RBM25: variants seen among roughly 807,000 people sequenced by gnomAD.
RBM25 encodes the protein RNA-binding protein 25.
Under a neutral mutation model 120.7 loss-of-function variants are expected in RBM25, and 19 were observed. The ratio of observed to expected loss-of-function variants is 0.16; its 90% CI spans 0.11 to 0.23. The LOEUF is 0.23. RBM25 is among the 10% of genes least tolerant of loss of function. The pLI is 1.00. For missense variants in RBM25, 605 were observed against 1,041.5 expected (o/e 0.58, Z 5.77); for synonymous variants, 390 against 326.7 (o/e 1.19, Z -2.09).
intron 7 of RBM25, among the ~76,000 whole-genome samples, chr14:73,099,040 T>G (rs1467421412): frequency 6.6e-6 from 1 of 152,156 alleles, no homozygotes; most frequent in East Asian, 1.9e-4. Context: ...AATAACATAT[T>G]TGTTTGATGT....
intron 9 of RBM25, 73 bp downstream of exon 9, chr14:73,099,823 A>G (rs769167437): frequency 1.3e-6 from 2 of 1,504,826 alleles, no homozygotes; most frequent in Admixed American, 5.1e-5. Context: ...GACAAAAAAA[A>G]TCAACCTTAA....
At chr14:73,067,851 G>A (rs950144750) in intron 1 of RBM25, among the ~76,000 whole-genome samples, 4 of 151,460 alleles carry the variant, frequency 2.6e-5, no homozygotes, top group Non-Finnish European at 4.4e-5. Flanking sequence ...CACCCGCTTC[G>A]GCCTCCCAAA....
In RBM25 at chr14:73,097,034, G is replaced by A; in HGVS notation, c.663G>A (p.Glu221=). The A allele has an allele frequency of 2.5e-6, 4 of 1,613,752 alleles. No individual in the cohort carries two copies. Among genetic ancestry groups the A allele is most frequent in the Non-Finnish European group, 3.4e-6 (4 of 1,179,920 alleles). The change falls in exon 7 of 19, where the codon GAG becomes GAA. Residue 221 remains glutamate (E), a synonymous_variant. Transcript: ENST00000261973. ...TTTTAATTCGTGAATACTCCAGTGA[G>A]CTAAATGCCCCCTCACAGGAATCTG... The part of the protein sequence containing the change: ...IEVLIREYSS[E]LNAPSQESDS...
chr14:73,119,288 T>C (rs1298843115), intron 18 of RBM25, among the ~76,000 whole-genome samples: 1 of 152,182 alleles, frequency 6.6e-6, no homozygotes, highest in Non-Finnish European at 1.5e-5. Flanking sequence ...GTTTTTCTTT[T>C]TTGAGATGGA....
chr14:73,119,858 A>T lies in RBM25; in HGVS notation c.*53A>T. 6.4e-7 allele frequency: 1 copy of T among 1,556,104 alleles called. No individual in the cohort carries two copies. Among genetic ancestry groups the T allele is most frequent in the South Asian group, 1.2e-5 (1 of 82,282 alleles). On this transcript the variant is annotated 3_prime_UTR_variant, in exon 19 of 19. Transcript: ENST00000261973. The stretch of plus-strand genomic sequence containing the variant: ...AGATTTCTTCTTTGCCACCCTTTTA[A>T]GGACTTTGAATTTTTCTTTGTCTTT...
chr14:73,088,406 T>A, intron 6 of RBM25: 1 of 609,694 alleles, frequency 1.6e-6, no homozygotes, highest in Non-Finnish European at 3.0e-6. Flanking sequence ...TGGACAAGGT[T>A]AACTTGCCAG....
At chr14:73,072,596 TG>T (rs1895321644) in intron 2 of RBM25, among the ~76,000 whole-genome samples, 1 of 151,902 alleles carries the variant, frequency 6.6e-6, no homozygotes, top group East Asian at 1.9e-4. Flanking sequence ...AGGTAATTTT[TG>T]GCACTCATTT....
chr14:73,098,906 C>T (rs1354968940), intron 7 of RBM25, among the ~76,000 whole-genome samples: 1 of 152,102 alleles, frequency 6.6e-6, no homozygotes, highest in Non-Finnish European at 1.5e-5. Context: ...CGTGCCCGAC[C>T]CATAACTTTT....
At chr14:73,109,065 T>C (rs1490979905) in intron 13 of RBM25, 1 of 193,638 alleles carries the variant, frequency 5.2e-6, no homozygotes, top group African/African-American at 2.3e-5. Flanking sequence ...AAGTGTGAGC[T>C]CTCTTTCTGA....
intron 4 of RBM25, among the ~76,000 whole-genome samples, chr14:73,080,068 GAA>G (rs988256321): frequency 1.3e-5 from 2 of 150,196 alleles, no homozygotes; most frequent in African/African-American, 4.9e-5. Flanking sequence ...AGGTGTATGT[GAA>G]AAGATTCTCA....
chr14:73,082,366 A>G (rs1034549034), intron 4 of RBM25, among the ~76,000 whole-genome samples: 5 of 152,092 alleles, frequency 3.3e-5, no homozygotes, highest in Non-Finnish European at 5.9e-5. Context: ...ATTACAGCTC[A>G]CTGCAGCCTC....
intron 1 of RBM25, chr14:73,068,421 T>G (rs1243836851): frequency 1.5e-6 from 1 of 667,678 alleles, no homozygotes; most frequent in Non-Finnish European, 2.7e-6. Context: ...ATTTACAGGA[T>G]CTGAGACTTA....
chr14:73,086,551 G>A (rs2077441067), intron 5 of RBM25, among the ~76,000 whole-genome samples: 1 of 151,790 alleles, frequency 6.6e-6, no homozygotes, highest in Non-Finnish European at 1.5e-5. Context: ...TCATATATTT[G>A]TATCTCCTTT....
intron 9 of RBM25, chr14:73,101,145 G>A (rs1307270235): frequency 6.6e-6 from 1 of 152,118 alleles, no homozygotes; most frequent in East Asian, 1.9e-4. Context: ...TTTTCAGAAT[G>A]TCTTTTCAAA....
intron 3 of RBM25, among the ~76,000 whole-genome samples, chr14:73,077,041 A>G (rs1292810168): frequency 6.6e-6 from 1 of 152,252 alleles, no homozygotes; most frequent in African/African-American, 2.4e-5. Context: ...AGATTATGCC[A>G]CTGCACTCCA....
chr14:73,075,348 A>T (rs2140430266), intron 2 of RBM25, among the ~76,000 whole-genome samples: 1 of 152,094 alleles, frequency 6.6e-6, no homozygotes, highest in South Asian at 2.1e-4. Context: ...TAGTAGAAAC[A>T]GGGCTTCTCC....
intron 1 of RBM25, among the ~76,000 whole-genome samples, chr14:73,062,732 C>G (rs1283966399): frequency 2.6e-5 from 4 of 151,440 alleles, no homozygotes; most frequent in African/African-American, 9.7e-5. Context: ...TAAAATGCAT[C>G]TGTTTTAATT....
chr14:73,110,441 CTTTTTT>C (rs1420293418), intron 14 of RBM25, among the ~76,000 whole-genome samples: 2 of 143,964 alleles, frequency 1.4e-5, no homozygotes, highest in African/African-American at 2.6e-5. Context: ...TTTTCTTTTT[CTTTTTT>C]TTTGAGATGG....
intron 17 of RBM25, among the ~76,000 whole-genome samples, chr14:73,113,386 C>T (rs1896355924): frequency 6.6e-6 from 1 of 151,466 alleles, no homozygotes. Context: ...TCACACCAGC[C>T]GAAGATAAAG....
Sources: allele counts gnomAD v4.1 joint callset (sites outside exome capture counted in the v4.1 genomes callset), GRCh38; gene constraint gnomAD v4.1.1; transcripts MANE v1.5; gene names NCBI Gene and HGNC (gene_info 2026-07-23, HGNC 2026-07-21).